Variants in KCNMA1 observed in about 807,000 individuals in gnomAD.
KCNMA1 encodes potassium calcium-activated channel subfamily M alpha 1.
KCNMA1 carries 29 observed loss-of-function variants against 140.0 expected under a neutral mutation model. The ratio of observed to expected loss-of-function variants is 0.21; its 90% confidence interval spans 0.15 to 0.28. KCNMA1 has a LOEUF of 0.28. Ranked by LOEUF, KCNMA1 falls within the 10% of genes least tolerant of loss-of-function variation. KCNMA1 has a pLI of 1.00. For missense variants in KCNMA1, 880 were observed against 1,602.2 expected (o/e 0.55, Z 7.70); for synonymous variants, 612 against 611.9 (o/e 1.00, Z 0.00).
At chr10:76,907,853 GTTTTAA>G (rs2048422067) in intron 25 of KCNMA1, among the ~76,000 whole-genome samples, 1 of 152,108 alleles carries the variant, frequency 6.6e-6, no homozygotes, top group African/African-American at 2.4e-5. Flanking sequence ...AGTCTCTTTT[GTTTTAA>G]TACTCTGCTG....
At chr10:77,057,730 T>G (rs2095591781) in intron 14 of KCNMA1, among the ~76,000 whole-genome samples, 2 of 151,786 alleles carry the variant, frequency 1.3e-5, no homozygotes, top group African/African-American at 4.8e-5. Flanking sequence ...AATCAATTTT[T>G]TAAAAACTAT....
At chr10:77,261,982 G>C (rs1283259427) in intron 2 of KCNMA1, among the ~76,000 whole-genome samples, 3 of 152,174 alleles carry the variant, frequency 2.0e-5, no homozygotes, top group Non-Finnish European at 2.9e-5. Flanking sequence ...AGCGTAGTCA[G>C]GTCAGAAGTT....
intron 23 of KCNMA1, among the ~76,000 whole-genome samples, chr10:76,928,952 T>G (rs2058549548): frequency 6.6e-6 from 1 of 152,196 alleles, no homozygotes; most frequent in Non-Finnish European, 1.5e-5. Context: ...TACTGCTGTA[T>G]TTATCTCTGG....
intron 5 of KCNMA1, among the ~76,000 whole-genome samples, chr10:77,151,140 CTTCTTTCT>C (rs369462001): frequency 3.4e-5 from 5 of 147,210 alleles, no homozygotes; most frequent in African/African-American, 5.1e-5. Flanking sequence ...TCCTTTCTTT[CTTCTTTCT>C]TTCTTTCTTT....
At chr10:76,922,354 CCTT>C (rs1293239554) in intron 23 of KCNMA1, among the ~76,000 whole-genome samples, 3 of 152,138 alleles carry the variant, frequency 2.0e-5, no homozygotes, top group East Asian at 1.9e-4. Context: ...CTTTTTAACT[CCTT>C]CTATGCATAA....
intron 2 of KCNMA1, among the ~76,000 whole-genome samples, chr10:77,347,725 A>G (rs2092373174): frequency 6.6e-6 from 1 of 152,234 alleles, no homozygotes; most frequent in African/African-American, 2.4e-5. Flanking sequence ...ATACTACCCC[A>G]TGCTCTATGA....
intron 5 of KCNMA1, among the ~76,000 whole-genome samples, chr10:77,158,763 T>C (rs1329179514): frequency 6.6e-6 from 1 of 152,106 alleles, no homozygotes. Flanking sequence ...GCTTCGGTAG[T>C]TGCCCAGGTT....
rs148000736 is a variant in KCNMA1 at position 77,299,899 on chromosome 10, T to C, written c.541-48643A>G. ...GTCCCGTATCATCAGACAAACCCAATAGAGTGATTCTCTAACATGCTGTGC... is the reference window on the plus strand; with the variant it reads ...GTCCCGTATCATCAGACAAACCCAACAGAGTGATTCTCTAACATGCTGTGC... On this transcript the variant is annotated intron_variant, in intron 2 of 27. Coordinates refer to ENST00000286628, the MANE Select transcript of KCNMA1 (RefSeq NM_001161352.2). Among the ~76,000 whole-genome samples, 61 of 152,184 alleles carry C rather than the reference T, an allele frequency of 4.0e-4. 1 individual carries two copies. Among genetic ancestry groups the C allele is most frequent in the African/African-American group, 1.3e-3 (56 of 41,518 alleles).
At chr10:77,490,310 A>G (rs989424599) in intron 1 of KCNMA1, among the ~76,000 whole-genome samples, 3 of 152,172 alleles carry the variant, frequency 2.0e-5, no homozygotes, top group African/African-American at 7.2e-5. Context: ...GATTACATGT[A>G]AACTTTTTAA....
chr10:76,873,758 A>C (rs903055348), downstream of KCNMA1: 1 of 152,164 alleles, frequency 6.6e-6, no homozygotes, highest in Non-Finnish European at 1.5e-5. Context: ...TTTATTCCTC[A>C]ATTTCTTCCT....
intron 12 of KCNMA1, among the ~76,000 whole-genome samples, chr10:77,083,500 GT>G (rs1256135657): frequency 1.1e-5 from 1 of 91,578 alleles, no homozygotes; most frequent in Non-Finnish European, 2.2e-5. Flanking sequence ...TAGATGTTCT[GT>G]AAAAAAAAAA....
At chr10:77,387,015 G>C (rs1220592582) in intron 2 of KCNMA1, among the ~76,000 whole-genome samples, 1 of 152,178 alleles carries the variant, frequency 6.6e-6, no homozygotes, top group African/African-American at 2.4e-5. Flanking sequence ...CATCTGCAGC[G>C]ATTGGGAGAA....
rs982451597 is a variant in KCNMA1 at position 76,918,875 on chromosome 10, G to C, written c.2903-3826C>G. 2.0e-5 allele frequency among the ~76,000 whole-genome samples: 3 copies of C among 151,176 alleles called. No homozygotes were observed. The Admixed American group carries it at 2.0e-4, about 10-fold the overall frequency. On this transcript the variant is annotated intron_variant, in intron 23 of 27. Coordinates refer to ENST00000286628, the MANE Select transcript of KCNMA1 (RefSeq NM_001161352.2). ...TAATCAATGAGAGGATAAAGAAACTGTGAGATATATATATATATACACACA... is the reference window on the plus strand; with the variant it reads ...TAATCAATGAGAGGATAAAGAAACTCTGAGATATATATATATATACACACA...
intron 2 of KCNMA1, among the ~76,000 whole-genome samples, chr10:77,285,845 A>G (rs576405948): frequency 2.4e-4 from 36 of 152,314 alleles, no homozygotes; most frequent in African/African-American, 8.4e-4. Flanking sequence ...GTTTGTTATT[A>G]TGCATACCTC....
At chr10:76,880,553 T>C (rs1489040574), downstream of KCNMA1, among the ~76,000 whole-genome samples, 1 of 152,226 alleles carries the variant, frequency 6.6e-6, no homozygotes. Context: ...AAATGTCTGG[T>C]GCAAAGGTAT....
chr10:77,010,637 G>C (rs1229470227), intron 18 of KCNMA1, among the ~76,000 whole-genome samples: 1 of 152,008 alleles, frequency 6.6e-6, no homozygotes, highest in Non-Finnish European at 1.5e-5. Flanking sequence ...TCTAGACCAA[G>C]AGTGCACCCC....
chr10:77,300,592 TC>T (rs1447147819), intron 2 of KCNMA1, among the ~76,000 whole-genome samples: 3 of 152,218 alleles, frequency 2.0e-5, no homozygotes, highest in Non-Finnish European at 4.4e-5. Context: ...CACCGCATCC[TC>T]CAAAACAGCA....
chr10:76,995,389 G>A (rs1221246452), intron 19 of KCNMA1: 1 of 368,936 alleles, frequency 2.7e-6, no homozygotes, highest in Non-Finnish European at 5.6e-6. Context: ...GGGTCTAATC[G>A]AGGCTCCTGG....
At chr10:77,489,812 G>A (rs1416533581) in intron 1 of KCNMA1, among the ~76,000 whole-genome samples, 2 of 152,208 alleles carry the variant, frequency 1.3e-5, no homozygotes, top group African/African-American at 4.8e-5. Context: ...TTACTTCACA[G>A]GTGAGATGAC....
Sources: gnomAD v4.1 joint callset for allele counts (sites outside exome capture counted in the v4.1 genomes callset) on GRCh38, gnomAD v4.1.1 for gene constraint, MANE v1.5 for transcripts, NCBI Gene and HGNC (gene_info 2026-07-23, HGNC 2026-07-21) for gene names.